PLCE1: variants seen among roughly 807,000 people sequenced by gnomAD.
PLCE1 encodes phospholipase C epsilon 1, also known as 1-phosphatidylinositol 4,5-bisphosphate phosphodiesterase epsilon-1.
PLCE1 carries 119 observed loss-of-function variants against 242.8 expected under a neutral mutation model. The observed-to-expected ratio is 0.49, with a 90% CI of 0.42 to 0.57. PLCE1 has a LOEUF of 0.57. PLCE1 is among the 20% of genes least tolerant of loss of function. The probability of loss-of-function intolerance (pLI) is 0.00; values close to 1 mark genes in which losing one functional copy is unlikely to be tolerated. For missense variants in PLCE1, 2,441 were observed against 2,788.8 expected, an observed-to-expected ratio of 0.88 and a Z score of 2.81; for synonymous variants, 945 against 1,017.4, an observed-to-expected ratio of 0.93 and a Z score of 1.35.
At chr10:94,136,854 A>G (rs2046793092) in intron 3 of PLCE1, among the ~76,000 whole-genome samples, 1 of 152,198 alleles carries the variant, frequency 6.6e-6, no homozygotes. Flanking sequence ...GGAAAAATAG[A>G]GCGCCTTTAC....
chr10:94,227,875 A>G (rs944293267), intron 5 of PLCE1, among the ~76,000 whole-genome samples: 1 of 152,252 alleles, frequency 6.6e-6, no homozygotes, highest in African/African-American at 2.4e-5. Context: ...GCTAGCATTG[A>G]CAATAGGCCT....
At chr10:94,102,040 G>A (rs936409260) in intron 2 of PLCE1, among the ~76,000 whole-genome samples, 1 of 152,174 alleles carries the variant, frequency 6.6e-6, no homozygotes, top group Non-Finnish European at 1.5e-5. Flanking sequence ...ATCTGAGAAA[G>A]GGGGGCAAAT....
chr10:94,323,598 C>T (rs372928891), intron 30 of PLCE1, among the ~76,000 whole-genome samples: 33 of 152,266 alleles, frequency 2.2e-4, no homozygotes, highest in African/African-American at 7.2e-4. Context: ...TAGTACTTTC[C>T]TTGAAGGTTA....
intron 2 of PLCE1, among the ~76,000 whole-genome samples, chr10:94,062,495 G>A (rs1031485109): frequency 6.6e-6 from 1 of 151,628 alleles, no homozygotes; most frequent in Non-Finnish European, 1.5e-5. Flanking sequence ...AGAATTAAAT[G>A]AGAATTTGCA....
chr10:94,122,308 GC>G (rs1331904087), intron 2 of PLCE1, among the ~76,000 whole-genome samples: 1 of 152,108 alleles, frequency 6.6e-6, no homozygotes, highest in Non-Finnish European at 1.5e-5. Flanking sequence ...CCTTCTGTAG[GC>G]CTAATTCATG....
chr10:94,071,473 T>A (rs1263777261), intron 2 of PLCE1, among the ~76,000 whole-genome samples: 1 of 150,106 alleles, frequency 6.7e-6, no homozygotes. Flanking sequence ...GGGTTTTGTC[T>A]GTGTGTGTGT....
intron 2 of PLCE1, among the ~76,000 whole-genome samples, chr10:94,040,754 C>A (rs1189802298): frequency 1.3e-5 from 2 of 152,042 alleles, no homozygotes; most frequent in Non-Finnish European, 2.9e-5. Context: ...CTTGACTGAA[C>A]CCTCAGGTAC....
chr10:94,230,208 T>A (rs1362051609), intron 5 of PLCE1, among the ~76,000 whole-genome samples: 1 of 152,208 alleles, frequency 6.6e-6, no homozygotes, highest in Non-Finnish European at 1.5e-5. Flanking sequence ...ATTTACTCAG[T>A]CATGGTGTCA....
intron 30 of PLCE1, among the ~76,000 whole-genome samples, chr10:94,323,757 TTTAAC>T (rs1206953977): frequency 3.9e-5 from 6 of 152,258 alleles, no homozygotes; most frequent in South Asian, 2.1e-4. Context: ...CTTACATTTC[TTTAAC>T]TTATCTTTGT....
chr10:94,150,222 A>G (rs563763558), intron 3 of PLCE1, among the ~76,000 whole-genome samples: 1 of 152,324 alleles, frequency 6.6e-6, no homozygotes, highest in South Asian at 2.1e-4. Context: ...GTACTTCTCA[A>G]AACAACCTGG....
At chr10:94,040,162 C>T (rs1182641507) in intron 2 of PLCE1, among the ~76,000 whole-genome samples, 3 of 152,034 alleles carry the variant, frequency 2.0e-5, no homozygotes, top group Non-Finnish European at 2.9e-5. Flanking sequence ...TGCTATGTTG[C>T]CCAGGCTAGT....
chr10:94,100,607 G>A (rs1438537002), intron 2 of PLCE1: 1 of 152,166 alleles, frequency 6.6e-6, no homozygotes, highest in Non-Finnish European at 1.5e-5. Context: ...GTCTCTTCTG[G>A]GGAAAGAGAA....
rs887217289 is a variant in PLCE1 at position 94,096,200 on chromosome 10, G to A, written c.1207-35974G>A. On this transcript the variant is annotated intron_variant, in intron 2 of 32. Transcript: ENST00000371380. ...CAGGATTTAGAAAATATGGAGACTA[G>A]GTACCTCTACCTTCCACTTGCTAAC... Among the ~76,000 whole-genome samples the A allele has an allele frequency of 7.2e-5, 11 of 152,124 alleles. No individual in the cohort carries two copies. In the East Asian group the frequency reaches 1.3e-3, roughly 19 times the overall value.
chr10:94,071,615 C>T (rs2044362635), intron 2 of PLCE1, among the ~76,000 whole-genome samples: 1 of 150,210 alleles, frequency 6.7e-6, no homozygotes, highest in Admixed American at 6.7e-5. Context: ...TCCCGCTACT[C>T]ATCCTCCCCA....
intron 26 of PLCE1, among the ~76,000 whole-genome samples, chr10:94,308,230 A>G (rs2053270978): frequency 6.6e-6 from 1 of 152,248 alleles, no homozygotes; most frequent in Non-Finnish European, 1.5e-5. Flanking sequence ...ATGTTCTATT[A>G]TCACTAAAGC....
Position 94,130,591 on chromosome 10 carries a change from A to G in PLCE1, c.1207-1583A>G, listed in dbSNP as rs557510632. Among the ~76,000 whole-genome samples, 8 of 152,346 alleles carry G rather than the reference A, an allele frequency of 5.3e-5. No individual in the cohort carries two copies. The South Asian group carries it at 1.7e-3, about 32-fold the overall frequency. ...GGTCGAGTCAGGTGTACCTGACCTC[A>G]TGTACCTGACCCCAAACCTGGGCTC... On this transcript the variant is annotated intron_variant, in intron 2 of 32. Coordinates refer to ENST00000371380, the MANE Select transcript of PLCE1 (RefSeq NM_016341.4).
intron 4 of PLCE1, among the ~76,000 whole-genome samples, chr10:94,181,414 A>G (rs1168680641): frequency 6.6e-6 from 1 of 151,944 alleles, no homozygotes; most frequent in Non-Finnish European, 1.5e-5. Context: ...CTACTAAAAA[A>G]TACAAAAAAA....
chr10:94,247,463 T>C (rs533310240), intron 8 of PLCE1, among the ~76,000 whole-genome samples: 2 of 152,250 alleles, frequency 1.3e-5, no homozygotes, highest in African/African-American at 2.4e-5. Flanking sequence ...TCTGAATACT[T>C]TTATTATTAG....
At chr10:94,080,917 C>G (rs188970406) in intron 2 of PLCE1, among the ~76,000 whole-genome samples, 4 of 152,300 alleles carry the variant, frequency 2.6e-5, no homozygotes, top group Admixed American at 2.0e-4. Context: ...TAAAATGTTA[C>G]AGAAACAGTT....
Sources: allele counts gnomAD v4.1 joint callset (sites outside exome capture counted in the v4.1 genomes callset), GRCh38; gene constraint gnomAD v4.1.1; transcripts MANE v1.5; gene names NCBI Gene and HGNC (gene_info 2026-07-23, HGNC 2026-07-21).